Variants in DLG2 observed in about 807,000 individuals in gnomAD.
DLG2 encodes the protein disks large homolog 2.
In DLG2, 45 loss-of-function variants were observed where a neutral mutation model predicts 132.5. That is an observed-to-expected ratio of 0.34 (90% CI 0.27 to 0.44). The LOEUF (loss-of-function observed/expected upper bound fraction) is 0.44. DLG2 is among the 20% of genes least tolerant of loss of function. The pLI is 1.00. For missense variants in DLG2, 1,045 were observed against 1,196.9 expected, an observed-to-expected ratio of 0.87 and a Z score of 1.87; for synonymous variants, 424 against 419.6, an observed-to-expected ratio of 1.01 and a Z score of -0.13.
chr11:84,428,663 T>C (rs950116758), intron 7 of DLG2, among the ~76,000 whole-genome samples: 12 of 152,310 alleles, frequency 7.9e-5, no homozygotes, highest in Admixed American at 6.5e-4. Context: ...TATGGCCTCA[T>C]TTAACCTTAA....
intron 3 of DLG2, among the ~76,000 whole-genome samples, chr11:85,554,997 A>G (rs1182732648): frequency 1.3e-5 from 2 of 151,622 alleles, no homozygotes; most frequent in East Asian, 1.9e-4. Flanking sequence ...CCCCCTGCCC[A>G]CCAAAGTATC....
intron 5 of DLG2, among the ~76,000 whole-genome samples, chr11:85,129,987 G>A (rs975554001): frequency 1.2e-4 from 19 of 152,034 alleles, no homozygotes; most frequent in Non-Finnish European, 2.2e-4. Flanking sequence ...GTTATCATTC[G>A]TAAGTGGGAG....
At chr11:84,857,520 G>C (rs1200221524) in intron 6 of DLG2, among the ~76,000 whole-genome samples, 1 of 152,006 alleles carries the variant, frequency 6.6e-6, no homozygotes, top group African/African-American at 2.4e-5. Context: ...TCATTTTTAA[G>C]TATGTAATAT....
At chr11:85,105,253 C>A (rs1200268574) in intron 6 of DLG2, among the ~76,000 whole-genome samples, 2 of 151,902 alleles carry the variant, frequency 1.3e-5, no homozygotes, top group Non-Finnish European at 2.9e-5. Flanking sequence ...TCCATAAATA[C>A]TGTGGGTTCC....
chr11:84,736,235 G>T (rs1158801835), intron 6 of DLG2, among the ~76,000 whole-genome samples: 2 of 151,536 alleles, frequency 1.3e-5, no homozygotes. Context: ...AATCTGTTTT[G>T]CCATCTTTCC....
intron 6 of DLG2, among the ~76,000 whole-genome samples, chr11:85,047,722 A>C (rs2062481744): frequency 6.6e-6 from 1 of 151,934 alleles, no homozygotes; most frequent in Non-Finnish European, 1.5e-5. Flanking sequence ...TTTTAAAATA[A>C]ATAAAAAGTA....
chr11:83,992,393 G>T (rs1008092421), intron 11 of DLG2, among the ~76,000 whole-genome samples: 3 of 152,070 alleles, frequency 2.0e-5, no homozygotes, highest in Admixed American at 6.6e-5. Flanking sequence ...GCTAGAGGGG[G>T]TAGTGTCAGA....
chr11:83,883,645 C>T (rs1435822805), intron 15 of DLG2, among the ~76,000 whole-genome samples: 1 of 152,166 alleles, frequency 6.6e-6, no homozygotes, highest in East Asian at 1.9e-4. Flanking sequence ...GCCTGAAACA[C>T]CAGGAGCAAA....
intron 7 of DLG2, among the ~76,000 whole-genome samples, chr11:84,403,557 G>C (rs1398786855): frequency 6.6e-6 from 1 of 151,860 alleles, no homozygotes; most frequent in Non-Finnish European, 1.5e-5. Context: ...TTCTATCACT[G>C]TTATATGTTC....
chr11:84,258,286 G>A (rs1258480033), intron 7 of DLG2, among the ~76,000 whole-genome samples: 1 of 152,092 alleles, frequency 6.6e-6, no homozygotes, highest in Non-Finnish European at 1.5e-5. Context: ...AAAATAGGAA[G>A]AACAAATATA....
intron 6 of DLG2, among the ~76,000 whole-genome samples, chr11:84,975,794 C>A (rs1322578732): frequency 6.6e-6 from 1 of 152,180 alleles, no homozygotes; most frequent in Non-Finnish European, 1.5e-5. Context: ...GTCTTCCTCT[C>A]CTGGTCCTCC....
intron 6 of DLG2, among the ~76,000 whole-genome samples, chr11:84,919,300 GA>G: frequency 6.6e-6 from 1 of 152,096 alleles, no homozygotes; most frequent in East Asian, 1.9e-4. Flanking sequence ...TCACAGATGA[GA>G]AAAAACTAAA....
intron 7 of DLG2, among the ~76,000 whole-genome samples, chr11:84,512,688 C>A (rs1030333977): frequency 1.3e-5 from 2 of 151,630 alleles, no homozygotes; most frequent in Non-Finnish European, 2.9e-5. Flanking sequence ...TTAGTAGAAA[C>A]TTTATAGGCC....
At chr11:84,407,876 C>T (rs1156664955) in intron 7 of DLG2, among the ~76,000 whole-genome samples, 1 of 152,126 alleles carries the variant, frequency 6.6e-6, no homozygotes, top group African/African-American at 2.4e-5. Context: ...CACTGTAGAC[C>T]TACTTTTTAC....
intron 18 of DLG2, among the ~76,000 whole-genome samples, chr11:83,776,805 C>G (rs995229254): frequency 1.3e-5 from 2 of 152,186 alleles, no homozygotes; most frequent in African/African-American, 4.8e-5. Context: ...CCTACTCACC[C>G]TTCAGATTAA....
At chr11:84,540,409 AGAC>A (rs1012974622) in intron 6 of DLG2, among the ~76,000 whole-genome samples, 4 of 152,132 alleles carry the variant, frequency 2.6e-5, no homozygotes, top group African/African-American at 9.7e-5. Context: ...TCTCAAAAGA[AGAC>A]ATTTATGCAG....
chr11:83,926,498 C>T (rs1672675396), intron 15 of DLG2, among the ~76,000 whole-genome samples: 1 of 152,122 alleles, frequency 6.6e-6, no homozygotes, highest in South Asian at 2.1e-4. Flanking sequence ...TTGGCTTTTT[C>T]ACCTTGCACC....
At chr11:83,558,848 CGTGTGTGTGTGTGTGTGTGTGTGT>C (rs3039336) in intron 19 of DLG2, among the ~76,000 whole-genome samples, 1 of 142,250 alleles carries the variant, frequency 7.0e-6, no homozygotes, top group African/African-American at 2.6e-5. Context: ...TGCTAGATGT[CGTGTGTGTGTGTGTGTGTGTGTGT>C]GTGTGTGTGT....
At chr11:84,099,494 A>C (rs2092217138) in intron 9 of DLG2, among the ~76,000 whole-genome samples, 1 of 151,998 alleles carries the variant, frequency 6.6e-6, no homozygotes, top group Admixed American at 6.6e-5. Flanking sequence ...TTGTTGTTCT[A>C]ATATCACTTA....
Sources: allele counts gnomAD v4.1 joint callset (sites outside exome capture counted in the v4.1 genomes callset), GRCh38; gene constraint gnomAD v4.1.1; transcripts MANE v1.5; gene names NCBI Gene and HGNC (gene_info 2026-07-23, HGNC 2026-07-21).